The following TMEM131L variants were observed in gnomAD, a reference collection of about 807,000 sequenced individuals.
The protein encoded by TMEM131L is transmembrane 131 like.
Under a neutral mutation model 192.2 loss-of-function variants are expected in TMEM131L, and 54 were observed. That is an observed-to-expected ratio of 0.28 (90% confidence interval 0.23 to 0.35). TMEM131L has a LOEUF of 0.35. Among genes scored for constraint, TMEM131L ranks in the 10% least tolerant of loss-of-function variants. The probability of loss-of-function intolerance (pLI) is 1.00; values close to 1 mark genes in which losing one functional copy is unlikely to be tolerated. For missense variants in TMEM131L, 1,888 were observed against 1,972.9 expected (o/e 0.96, Z 0.82); for synonymous variants, 701 against 704.9 (o/e 0.99, Z 0.09).
intron 21 of TMEM131L, among the ~76,000 whole-genome samples, chr4:153,599,285 CG>C (rs1731662186): frequency 6.6e-6 from 1 of 152,138 alleles, no homozygotes; most frequent in Non-Finnish European, 1.5e-5. Context: ...TTGCGGGAGT[CG>C]GGGGAGGGTG....
At chr4:153,537,532 G>A (rs111398882) in intron 3 of TMEM131L, among the ~76,000 whole-genome samples, 12,672 of 152,126 alleles carry the variant, frequency 0.083, 1,707 homozygotes, top group African/African-American at 0.29. Context: ...TTTTTTGACC[G>A]TATAGGGTAA....
chr4:153,486,104 C>G (rs1316502761), intron 3 of TMEM131L, among the ~76,000 whole-genome samples: 2 of 152,120 alleles, frequency 1.3e-5, no homozygotes, highest in African/African-American at 4.8e-5. Flanking sequence ...ATGGAAGCAA[C>G]TGAATACTTT....
chr4:153,550,171 C>A (rs1737498903), intron 4 of TMEM131L, 30 bp downstream of exon 4: 3 of 920,976 alleles, frequency 3.3e-6, no homozygotes, highest in South Asian at 1.9e-5. Flanking sequence ...AATTAAAACT[C>A]ATTTTATTTA....
intron 3 of TMEM131L, among the ~76,000 whole-genome samples, chr4:153,479,635 G>GT (rs921383858): frequency 2.8e-4 from 41 of 148,622 alleles, no homozygotes; most frequent in South Asian, 1.9e-3. Flanking sequence ...GTCTATGAAA[G>GT]TTTTTTTTTT....
chr4:153,588,337 G>GGT (rs1439895806), intron 15 of TMEM131L, among the ~76,000 whole-genome samples: 10 of 122,630 alleles, frequency 8.2e-5, no homozygotes, highest in African/African-American at 3.2e-4. Context: ...TTAAAGTATA[G>GGT]TTTTTTTTTT....
intron 25 of TMEM131L, among the ~76,000 whole-genome samples, chr4:153,607,939 A>G (rs1189360829): frequency 1.3e-5 from 2 of 152,136 alleles, no homozygotes; most frequent in Non-Finnish European, 2.9e-5. Context: ...CCAAAGAAGT[A>G]TATGTATATG....
At chr4:153,622,740 A>G (rs1733524731) in intron 28 of TMEM131L, among the ~76,000 whole-genome samples, 158 bp from the exon 29 acceptor site, 1 of 152,234 alleles carries the variant, frequency 6.6e-6, no homozygotes, top group African/African-American at 2.4e-5. Context: ...TCAAAGTGCA[A>G]CCATTAGTTT....
Position 153,467,203 on chromosome 4 carries a change from T to TC in TMEM131L, c.125-6dup. On this transcript the variant is annotated splice_region_variant and splice_polypyrimidine_tract_variant and intron_variant, in intron 1 of 34. Coordinates refer to ENST00000409959, the MANE Select transcript of TMEM131L (RefSeq NM_001131007.2). The stretch of plus-strand genomic sequence containing the variant: ...AAAAACGTGGTGTATTTTTTGGTGT[T>TC]CCTGCAGCGATTGAGCCGTTGCCGA... 1 of 1,551,678 alleles carries TC rather than the reference T, an allele frequency of 6.4e-7. No homozygotes were observed. Among genetic ancestry groups the TC allele is most frequent in the Non-Finnish European group, 8.7e-7 (1 of 1,146,942 alleles).
chr4:153,527,093 T>C (rs1374963109), intron 3 of TMEM131L, among the ~76,000 whole-genome samples: 1 of 152,198 alleles, frequency 6.6e-6, no homozygotes, highest in East Asian at 1.9e-4. Flanking sequence ...ACCATCTTTT[T>C]TCAGTTGCAC....
intron 29 of TMEM131L, among the ~76,000 whole-genome samples, chr4:153,624,483 T>G (rs1318072952): frequency 6.6e-6 from 1 of 152,272 alleles, no homozygotes. Context: ...CTTTTAACTG[T>G]TGTTTTCAAC....
intron 3 of TMEM131L, among the ~76,000 whole-genome samples, chr4:153,547,086 G>C (rs1737237002): frequency 6.6e-6 from 1 of 152,158 alleles, no homozygotes; most frequent in South Asian, 2.1e-4. Flanking sequence ...AAGCTGTAAA[G>C]TCAATTAAGC....
intron 3 of TMEM131L, among the ~76,000 whole-genome samples, chr4:153,545,198 T>G (rs563284267): frequency 6.6e-6 from 1 of 152,268 alleles, no homozygotes; most frequent in Admixed American, 6.5e-5. Context: ...ACTGAATCCC[T>G]GTGTCACATT....
At chr4:153,532,430 A>G (rs1247578386) in intron 3 of TMEM131L, among the ~76,000 whole-genome samples, 2 of 148,458 alleles carry the variant, frequency 1.3e-5, no homozygotes, top group Non-Finnish European at 3.0e-5. Flanking sequence ...CTTACTTGCT[A>G]TTAGTGCTTT....
chr4:153,565,816 A>G (rs1729149902), intron 7 of TMEM131L, among the ~76,000 whole-genome samples: 1 of 152,240 alleles, frequency 6.6e-6, no homozygotes. Flanking sequence ...TGTGACAAGT[A>G]TTAAAATTAG....
intron 4 of TMEM131L, among the ~76,000 whole-genome samples, chr4:153,551,231 C>T (rs548429048): frequency 7.2e-5 from 11 of 152,278 alleles, no homozygotes; most frequent in Non-Finnish European, 1.2e-4. Flanking sequence ...TAACCATGGC[C>T]GTAGGAGAGC....
chr4:153,466,380 A>G lies in TMEM131L; in HGVS notation c.-18A>G, dbSNP rs2149684925. On this transcript the variant is annotated 5_prime_UTR_variant, in exon 1 of 35. Coordinates refer to ENST00000409959, the MANE Select transcript of TMEM131L (RefSeq NM_001131007.2). ...GCGGCGAGCGCGGCGAGCAACGGAG[A>G]GGAGCGCGAGCAGCAGCATGGCGGG... 26 of 1,288,494 alleles carry G rather than the reference A, an allele frequency of 2.0e-5. No individual in the cohort carries two copies. Among genetic ancestry groups the G allele is most frequent in the Non-Finnish European group, 2.5e-5 (25 of 1,014,650 alleles). The allele number at this position is 1,288,494 out of a possible 1,614,324, so 79.8% of individuals were successfully genotyped here.
chr4:153,549,963 G>T, intron 3 of TMEM131L, 110 bp from the exon 4 acceptor site: 1 of 464,036 alleles, frequency 2.2e-6, no homozygotes, highest in Non-Finnish European at 3.9e-6. Flanking sequence ...AAATCTATGA[G>T]GGAGTAAAAT....
chr4:153,544,527 TC>T (rs1160830785), intron 3 of TMEM131L, among the ~76,000 whole-genome samples: 7 of 152,142 alleles, frequency 4.6e-5, no homozygotes, highest in Non-Finnish European at 8.8e-5. Context: ...CACACTGGCT[TC>T]CCTGCCTCAC....
In TMEM131L at chr4:153,561,629, C is replaced by T. The variant is rs77404115; in HGVS notation, c.660+3261C>T. Among the ~76,000 whole-genome samples the T allele has an allele frequency of 4.8e-3, 727 of 152,258 alleles. 10 individuals carry two copies. Among genetic ancestry groups the T allele is most frequent in the African/African-American group, 0.017 (695 of 41,544 alleles). ...TTTGTTGAAAAGACAGTTCTTTGTA[C>T]ATTGAATTGTCTTGGTATCCTTGTT... On this transcript the variant is annotated intron_variant, in intron 7 of 34. Coordinates refer to ENST00000409959, the MANE Select transcript of TMEM131L (RefSeq NM_001131007.2).
Sources: gnomAD v4.1 joint callset for allele counts (sites outside exome capture counted in the v4.1 genomes callset) on GRCh38, gnomAD v4.1.1 for gene constraint, MANE v1.5 for transcripts, NCBI Gene and HGNC (gene_info 2026-07-23, HGNC 2026-07-21) for gene names.